Variants in ITGAD observed in about 807,000 individuals in gnomAD.
ITGAD encodes the protein integrin subunit alpha D.
ITGAD carries 105 observed loss-of-function variants against 139.0 expected under a neutral mutation model. The observed-to-expected ratio is 0.76, with a 90% CI of 0.65 to 0.89. ITGAD has a LOEUF of 0.89. ITGAD is among the 40% of genes least tolerant of loss of function. The pLI is 0.00. For missense variants in ITGAD, 1,384 were observed against 1,487.3 expected (o/e 0.93, Z 1.14); for synonymous variants, 569 against 598.3 (o/e 0.95, Z 0.71).
chr16:31,418,266 CT>C (rs1567350099), intron 21 of ITGAD, 34 bp from the exon 22 acceptor site: 2 of 1,609,952 alleles, frequency 1.2e-6, no homozygotes, highest in Non-Finnish European at 1.7e-6. Flanking sequence ...CATGCCCTTC[CT>C]TTTATCCCCA....
chr16:31,421,702 T>A (rs2082009631), intron 23 of ITGAD, among the ~76,000 whole-genome samples: 1 of 152,024 alleles, frequency 6.6e-6, no homozygotes, highest in Non-Finnish European at 1.5e-5. Context: ...ACGGTTTGCA[T>A]CCCCATTTTA....
intron 23 of ITGAD, among the ~76,000 whole-genome samples, chr16:31,421,575 G>A (rs1199365003): frequency 6.6e-6 from 1 of 151,976 alleles, no homozygotes. Flanking sequence ...TTGGGGTGGG[G>A]GGCACAGAGG....
intron 5 of ITGAD, among the ~76,000 whole-genome samples, chr16:31,398,342 G>A (rs1238911860): frequency 2.0e-5 from 3 of 151,328 alleles, no homozygotes; most frequent in African/African-American, 4.9e-5. Context: ...CAGAAGAATC[G>A]CTTGAACCCA....
chr16:31,425,708 A>G (rs2082100971), intron 29 of ITGAD, among the ~76,000 whole-genome samples: 2 of 135,670 alleles, frequency 1.5e-5, no homozygotes, highest in Admixed American at 7.7e-5. Context: ...TTTTACATGG[A>G]GTCTTGCTGT....
At chr16:31,413,313 G>A in intron 16 of ITGAD, 67 bp downstream of exon 16, 1 of 1,532,562 alleles carries the variant, frequency 6.5e-7, no homozygotes, top group Non-Finnish European at 8.9e-7. Flanking sequence ...CCATCCTGAG[G>A]ATGGGATGGG....
Position 31,407,819 on chromosome 16 carries a change from C to G in ITGAD, c.912C>G (p.Ser304Arg). The G allele has an allele frequency of 6.2e-7, 1 of 1,613,714 alleles. No individual in the cohort carries two copies. Among genetic ancestry groups the G allele is most frequent in the Non-Finnish European group, 8.5e-7 (1 of 1,179,640 alleles). Residue 304 changes from serine (S) to arginine (R), a missense_variant, in exon 9 of 30, where the codon AGC becomes AGG. Physicochemically the swap from Ser to Arg is moderately radical, Grantham distance 110. Coordinates refer to ENST00000389202, the MANE Select transcript of ITGAD (RefSeq NM_005353.3). ...PTARQELNTISSAPPQDHVFK... is the reference protein window; with the variant it reads ...PTARQELNTIRSAPPQDHVFK... Reference sequence around the variant, plus strand: ...CCAGGCAGGAGCTGAATACCATCAGCTCAGCGCCTCCGCAGGACCACGTGT... The same window carrying G: ...CCAGGCAGGAGCTGAATACCATCAGGTCAGCGCCTCCGCAGGACCACGTGT...
chr16:31,403,506 C>G lies in ITGAD; in HGVS notation c.565C>G (p.Leu189Val). The change falls in exon 7 of 30, where the codon CTG (leucine) becomes GTG (valine). Residue 189 changes from leucine (L) to valine (V), a missense_variant. By Grantham distance (32) the Leu-to-Val change is conservative. Transcript: ENST00000389202. The surrounding 1 kb of genome is among the most constrained non-coding windows in gnomAD (Gnocchi z 4.4). ...QFEGTDTLFA[L>V]MQYSNLLKIH... ...TCCCCACTGGCCTTTGCAGTTTGCA[C>G]TGATGCAGTACTCAAACCTCCTGAA... The G allele has an allele frequency of 6.2e-7, 1 of 1,614,160 alleles. No individual in the cohort carries two copies. Among genetic ancestry groups the G allele is most frequent in the Non-Finnish European group, 8.5e-7 (1 of 1,180,022 alleles).
chr16:31,426,400 G>T lies in ITGAD; in HGVS notation c.*272G>T, dbSNP rs373040482. ...GTCACATGAAATGAGGATGTTTATA[G>T]CACACTTTCCTTGCGTGGAAGAGCT... On this transcript the variant is annotated 3_prime_UTR_variant, in exon 30 of 30. Transcript: ENST00000389202. 1,195 of 353,070 alleles carry T rather than the reference G, an allele frequency of 3.4e-3. 36 individuals are homozygous for T. The South Asian group carries it at 0.038, about 11-fold the overall frequency. 21.9% of individuals were successfully genotyped at this position (353,070 alleles called of 1,614,324 possible).
rs2081448853 is a variant in ITGAD at position 31,403,178 on chromosome 16, A to G, written c.559-322A>G. 2 of 183,182 alleles carry G rather than the reference A, an allele frequency of 1.1e-5. No homozygotes were observed. Among genetic ancestry groups the G allele is most frequent in the African/African-American group, 2.3e-5 (1 of 42,578 alleles). The allele number at this position is 183,182 out of a possible 1,614,324, so 11.3% of individuals were successfully genotyped here. ...TAATTCCAAAATAAAGTTTATTAAA[A>G]CTGAAAACAATATGGCTTGGTGTGG... On this transcript the variant is annotated intron_variant, in intron 6 of 29. Transcript: ENST00000389202. The surrounding 1 kb of genome is among the most constrained non-coding windows in gnomAD (Gnocchi z 4.4).
At chr16:31,415,833 C>T (rs1339417439) in intron 18 of ITGAD, among the ~76,000 whole-genome samples, 1 of 152,220 alleles carries the variant, frequency 6.6e-6, no homozygotes, top group Non-Finnish European at 1.5e-5. Flanking sequence ...TCTGCATCTA[C>T]ATTTGAGGCT....
chr16:31,425,720 T>C (rs112890555), intron 29 of ITGAD, among the ~76,000 whole-genome samples: 39,214 of 150,994 alleles, frequency 0.26, 5,555 homozygotes, highest in South Asian at 0.36. Context: ...TCTTGCTGTC[T>C]TGCCCAGGCT....
In ITGAD at chr16:31,394,115, A is replaced by G. The variant is rs544269212; in HGVS notation, c.32-121A>G. The G allele has an allele frequency of 1.1e-3, 612 of 572,862 alleles. 13 individuals carry two copies. In the South Asian group the frequency reaches 0.012, roughly 12 times the overall value. 35.5% of individuals were successfully genotyped at this position (572,862 alleles called of 1,614,324 possible). On this transcript the variant is annotated intron_variant, in intron 1 of 29. Coordinates refer to ENST00000389202, the MANE Select transcript of ITGAD (RefSeq NM_005353.3). ...CGTTGCACTCCAGCCTCAGCAACAGAGCGAGACTCCATCTCAAAAAAAAAA... is the reference window on the plus strand; with the variant it reads ...CGTTGCACTCCAGCCTCAGCAACAGGGCGAGACTCCATCTCAAAAAAAAAA...
chr16:31,422,457 G>C (rs1301277040), intron 23 of ITGAD, among the ~76,000 whole-genome samples: 1 of 152,104 alleles, frequency 6.6e-6, no homozygotes, highest in African/African-American at 2.4e-5. Context: ...CCCCAGGACA[G>C]CCGAATCTAT....
rs2142669845 is a variant in ITGAD at position 31,403,643 on chromosome 16, G to A, written c.702G>A (p.Val234=). Residue 234 remains valine (V), a splice_region_variant and synonymous_variant, in exon 7 of 30, where the codon GTG becomes GTA. Transcript: ENST00000389202. This position sits in a 1 kb window ranked among gnomAD's most constrained non-coding sequence, Gnocchi z 4.4. ...LTFTATGILT[V]VTQLFHHKNG... is the part of the protein sequence containing the mutation. ...TCACGGCCACGGGCATCCTGACAGT[G>A]GTGTAAGCAACCCCGACCCCAGCCT... The A allele has an allele frequency of 6.2e-7, 1 of 1,614,108 alleles. No homozygotes were observed. The highest frequency in any genetic ancestry group is 2.2e-5 in the East Asian group (1 of 44,880).
At chr16:31,404,382 C>T (rs1411141445) in intron 7 of ITGAD, 1 of 151,962 alleles carries the variant, frequency 6.6e-6, no homozygotes, top group Non-Finnish European at 1.5e-5. Context: ...TTCCTGCACA[C>T]ACCCCTGGGA....
At chr16:31,405,274 C>A (rs1267583576) in intron 7 of ITGAD, among the ~76,000 whole-genome samples, 1 of 152,218 alleles carries the variant, frequency 6.6e-6, no homozygotes, top group African/African-American at 2.4e-5. Context: ...CGTGAGCCAC[C>A]ATGCCCAGCC....
chr16:31,397,978 C>T (rs1213192256), intron 5 of ITGAD, 69 bp downstream of exon 5: 31 of 1,237,218 alleles, frequency 2.5e-5, no homozygotes, highest in Non-Finnish European at 3.4e-5. Flanking sequence ...AGGCGTGAGG[C>T]CTGTGTCTGG....
chr16:31,408,466 T>TC lies in ITGAD; in HGVS notation c.1054dup (p.Gln352ProfsTer22). 2 of 1,613,990 alleles carry TC rather than the reference T, an allele frequency of 1.2e-6. No homozygotes were observed. Among genetic ancestry groups the TC allele is most frequent in the African/African-American group, 2.7e-5 (2 of 75,012 alleles). On this transcript the variant is annotated frameshift_variant, in exon 10 of 30. Coordinates refer to ENST00000389202, the MANE Select transcript of ITGAD (RefSeq NM_005353.3). LOFTEE classifies it high-confidence loss of function. ...AAGCAGCTCCTTCCAGCACGAGATG[T>TC]CCCAAGAAGGCTTCAGCACAGCCCT...
At chr16:31,393,959 C>T (rs1202291091) in intron 1 of ITGAD, among the ~76,000 whole-genome samples, 2 of 151,864 alleles carry the variant, frequency 1.3e-5, no homozygotes, top group African/African-American at 4.8e-5. Context: ...GGTGAAACCC[C>T]ATCTTTACCA....
Sources: gnomAD v4.1 joint callset for allele counts (sites outside exome capture counted in the v4.1 genomes callset) on GRCh38, gnomAD v4.1.1 for gene constraint, Gnocchi (gnomAD v3.1) non-coding constraint, MANE v1.5 for transcripts, NCBI Gene and HGNC (gene_info 2026-07-23, HGNC 2026-07-21) for gene names.